Variants in PARG observed in about 807,000 individuals in gnomAD.
PARG encodes poly(ADP-ribose) glycohydrolase.
Under a neutral mutation model 113.0 loss-of-function variants are expected in PARG, and 35 were observed. The observed-to-expected ratio is 0.31, with a 90% CI of 0.24 to 0.41. PARG has a LOEUF of 0.41. PARG is among the 10% of genes least tolerant of loss of function. The pLI, the probability that PARG is intolerant of heterozygous loss-of-function variation, is 1.00. For synonymous variants in PARG, 330 were observed against 409.9 expected (o/e 0.81, Z 2.36); for missense variants, 797 against 1,169.4 (o/e 0.68, Z 4.64).
At chr10:49,925,023 C>T (rs1382140852) in intron 4 of PARG, among the ~76,000 whole-genome samples, 2 of 152,086 alleles carry the variant, frequency 1.3e-5, no homozygotes, top group African/African-American at 2.4e-5. Flanking sequence ...AGACGAAGAA[C>T]CCTATTATGA....
chr10:49,890,626 T>C (rs1203349721), intron 7 of PARG, among the ~76,000 whole-genome samples: 12 of 151,870 alleles, frequency 7.9e-5, no homozygotes, highest in African/African-American at 2.9e-4. Flanking sequence ...AACCACATCA[T>C]AGTGACTGTG....
At position 49,931,693 on chromosome 10, in the gene PARG, C is replaced by CAA. The variant is rs1191457420; in HGVS notation, c.1455+405_1455+406dup. Among the ~76,000 whole-genome samples, 230 of 71,702 alleles carry CAA rather than the reference C, an allele frequency of 3.2e-3. 3 individuals are homozygous for CAA. Among genetic ancestry groups the CAA allele is most frequent in the African/African-American group, 0.01 (199 of 19,278 alleles). 47.0% of individuals were successfully genotyped at this position (71,702 alleles called of 152,430 possible). On this transcript the variant is annotated intron_variant, in intron 4 of 17. Transcript: ENST00000616448. ...GTAATAAGAAAACTCTGGTCTCCAG[C>CAA]AAAAAAAAAAAAAAAAAAAAAGGCA...
rs546849126 is a variant in PARG at position 49,925,616 on chromosome 10, T to C, written c.1456-2947A>G. On this transcript the variant is annotated intron_variant, in intron 4 of 17. Transcript: ENST00000616448. ...TCATATTTGGCTCAGAATAAATTTC[T>C]TTAAATATTTTACAGAGTTTGACTC... Among the ~76,000 whole-genome samples, 4 of 152,342 alleles carry C rather than the reference T, an allele frequency of 2.6e-5. No individual in the cohort carries two copies. In the South Asian group the frequency reaches 8.3e-4, roughly 32 times the overall value.
intron 8 of PARG, among the ~76,000 whole-genome samples, chr10:49,880,082 T>C (rs1421670607): frequency 1.3e-5 from 2 of 151,560 alleles, no homozygotes; most frequent in Non-Finnish European, 2.9e-5. Context: ...AAAACATTAC[T>C]TATTAGTGAA....
chr10:49,885,342 T>C (rs1554840277), intron 7 of PARG, 47 bp from the exon 8 acceptor site: 1 of 1,133,936 alleles, frequency 8.8e-7, no homozygotes, highest in Non-Finnish European at 1.3e-6. Context: ...AACCAGTAAA[T>C]ATAATAACTA....
At chr10:49,845,102 G>A (rs937884424) in intron 13 of PARG, among the ~76,000 whole-genome samples, 13 of 152,058 alleles carry the variant, frequency 8.5e-5, no homozygotes, top group African/African-American at 1.9e-4. Flanking sequence ...GAATAAAAAC[G>A]AATGACAACA....
intron 13 of PARG, among the ~76,000 whole-genome samples, chr10:49,848,751 T>G (rs1487843688): frequency 6.6e-6 from 1 of 152,056 alleles, no homozygotes; most frequent in Non-Finnish European, 1.5e-5. Flanking sequence ...ATAGTAGCAA[T>G]GAATAATTAA....
At chr10:49,886,582 C>A (rs1384613049) in intron 7 of PARG, among the ~76,000 whole-genome samples, 4 of 151,938 alleles carry the variant, frequency 2.6e-5, no homozygotes, top group Admixed American at 1.3e-4. Flanking sequence ...AAACAAAAGA[C>A]AATTATTAAT....
At chr10:49,895,397 A>C (rs1315593930) in intron 7 of PARG, among the ~76,000 whole-genome samples, 1 of 151,848 alleles carries the variant, frequency 6.6e-6, no homozygotes, top group African/African-American at 2.4e-5. Context: ...GCATACAGGG[A>C]GAACTGATAT....
In PARG at chr10:49,819,152, T is replaced by A; in HGVS notation, c.*188A>T. 2.1e-6 allele frequency: 1 copy of A among 475,688 alleles called. No individual in the cohort carries two copies. Among genetic ancestry groups the A allele is most frequent in the East Asian group, 3.4e-5 (1 of 29,710 alleles). 29.5% of individuals were successfully genotyped at this position (475,688 alleles called of 1,614,324 possible). ...CAAAACATATCTAAGTCCACGTGAG[T>A]CAGGATGGAGGGAGTTTAGATGTAC... is the stretch of plus-strand genomic sequence containing the variant. On this transcript the variant is annotated 3_prime_UTR_variant, in exon 18 of 18. Transcript: ENST00000616448.
rs193003514 is a variant in PARG, at chr10:49,921,598, A to T, written c.1662+738T>A. On this transcript the variant is annotated intron_variant, in intron 6 of 17. Coordinates refer to ENST00000616448, the MANE Select transcript of PARG (RefSeq NM_003631.5). ...AATAACTTGCAAGTATCAGTAGAAA[A>T]CATTAAGAAAGCTGAGAAACTATAT... Among the ~76,000 whole-genome samples the T allele has an allele frequency of 1.6e-3, 245 of 152,056 alleles. 2 individuals carry two copies. Among genetic ancestry groups the T allele is most frequent in the African/African-American group, 5.5e-3 (227 of 41,556 alleles).
chr10:49,927,180 G>A (rs1174506860), intron 4 of PARG, among the ~76,000 whole-genome samples: 2 of 151,866 alleles, frequency 1.3e-5, no homozygotes, highest in African/African-American at 2.4e-5. Context: ...TGTGCCGCGC[G>A]TCGGTAGTCC....
At chr10:49,895,163 G>T (rs1311477094) in intron 7 of PARG, among the ~76,000 whole-genome samples, 1 of 152,064 alleles carries the variant, frequency 6.6e-6, no homozygotes, top group Non-Finnish European at 1.5e-5. Context: ...TGAGAGTCCA[G>T]GTGAACATTA....
At chr10:49,918,776 G>C (rs1837637352) in intron 6 of PARG, among the ~76,000 whole-genome samples, 1 of 152,080 alleles carries the variant, frequency 6.6e-6, no homozygotes, top group South Asian at 2.1e-4. Flanking sequence ...TAAGCAGATA[G>C]AAAAATATCT....
At chr10:49,828,092 C>CAA (rs71026274) in intron 16 of PARG, among the ~76,000 whole-genome samples, 14,830 of 50,850 alleles carry the variant, frequency 0.29, 5,963 homozygotes, top group Non-Finnish European at 0.41. Context: ...AAAGCTTAAA[C>CAA]AAAAAAAAAA....
At chr10:49,914,572 T>G (rs1837364695) in intron 7 of PARG, among the ~76,000 whole-genome samples, 1 of 152,134 alleles carries the variant, frequency 6.6e-6, no homozygotes, top group Non-Finnish European at 1.5e-5. Flanking sequence ...AGCACCTAGG[T>G]TTTTTGCAGA....
chr10:49,824,593 C>A (rs781968302), intron 16 of PARG, among the ~76,000 whole-genome samples: 1 of 151,844 alleles, frequency 6.6e-6, no homozygotes, highest in Non-Finnish European at 1.5e-5. Context: ...ACAAATGGAC[C>A]AAGCACAAAA....
intron 4 of PARG, among the ~76,000 whole-genome samples, chr10:49,925,469 A>G (rs1407286278): frequency 2.0e-5 from 3 of 152,184 alleles, no homozygotes; most frequent in African/African-American, 7.2e-5. Flanking sequence ...ATCAATATGC[A>G]TCTTACATGT....
intron 13 of PARG, among the ~76,000 whole-genome samples, chr10:49,851,781 C>CAAAAAAAAAAAAAA (rs782455561): frequency 1.2e-5 from 1 of 81,978 alleles, no homozygotes; most frequent in Non-Finnish European, 2.4e-5. Context: ...TAAGAGAAGA[C>CAAAAAAAAAAAAAA]AAAAAAAAAA....
Sources: gnomAD v4.1 joint callset for allele counts (sites outside exome capture counted in the v4.1 genomes callset) on GRCh38, gnomAD v4.1.1 for gene constraint, MANE v1.5 for transcripts, NCBI Gene and HGNC (gene_info 2026-07-23, HGNC 2026-07-21) for gene names.